Variants in PCDHGB3 observed in about 807,000 individuals in gnomAD.
PCDHGB3 encodes protocadherin gamma subfamily B, 3, also known as protocadherin gamma-B3.
Under a neutral mutation model 59.2 loss-of-function variants are expected in PCDHGB3, and 40 were observed. That is an observed-to-expected ratio of 0.68 (90% CI 0.52 to 0.88). PCDHGB3 has a LOEUF of 0.88. Ranked by LOEUF, PCDHGB3 falls within the 40% of genes least tolerant of loss-of-function variation. PCDHGB3 has a pLI of 0.00. For synonymous variants in PCDHGB3, 581 were observed against 503.6 expected (o/e 1.15, Z -2.06); for missense variants, 1,309 against 1,187.9 (o/e 1.10, Z -1.50).
chr5:141,383,020 A>T (rs1778718840), intron 1 of PCDHGB3: 1 of 1,613,730 alleles, frequency 6.2e-7, no homozygotes, highest in African/African-American at 1.3e-5. Context: ...GGAGACGGAC[A>T]AAGGGTCCTT....
rs781229038 is a variant in PCDHGB3, at chr5:141,489,990, A to C, written c.2416-4817A>C. 1.2e-4 allele frequency: 194 copies of C among 1,614,138 alleles called. No individual in the cohort carries two copies. Among genetic ancestry groups the C allele is most frequent in the Non-Finnish European group, 1.6e-4 (188 of 1,180,038 alleles). Reference sequence around the variant, plus strand: ...TCCAATCCTCAGTTCTACGTGTGGGAATCCCAGAGAATGCACCCATTGGTA... The same window carrying C: ...TCCAATCCTCAGTTCTACGTGTGGGCATCCCAGAGAATGCACCCATTGGTA... On this transcript the variant is annotated intron_variant, in intron 1 of 3. Transcript: ENST00000576222. The surrounding 1 kb of genome is among the most constrained non-coding windows in gnomAD (Gnocchi z 4.5).
intron 1 of PCDHGB3, chr5:141,392,892 G>A (rs2092623669): frequency 6.2e-7 from 1 of 1,613,702 alleles, no homozygotes; most frequent in Non-Finnish European, 8.5e-7. Context: ...GTGGGAAATC[G>A]GGAGGGGACA....
chr5:141,511,450 C>A lies in PCDHGB3; in HGVS notation c.*277C>A. Reference sequence around the variant, plus strand: ...TGGGGTTACTGTAGACACCAAGAACCATTTGCCACACCCCGTTTAGTTACA... The same window carrying A: ...TGGGGTTACTGTAGACACCAAGAACAATTTGCCACACCCCGTTTAGTTACA... On this transcript the variant is annotated 3_prime_UTR_variant, in exon 4 of 4. Transcript: ENST00000576222. The A allele has an allele frequency of 3.3e-6, 2 of 615,088 alleles. No homozygotes were observed. The highest frequency in any genetic ancestry group is 6.8e-5 in the East Asian group (2 of 29,272). The allele number at this position is 615,088 out of a possible 1,614,324, so 38.1% of individuals were successfully genotyped here.
At position 141,371,219 on chromosome 5, in the gene PCDHGB3, C is replaced by G; in HGVS notation, c.825C>G (p.Ala275=). 6.2e-7 allele frequency: 1 copy of G among 1,613,954 alleles called. No individual in the cohort carries two copies. The change falls in exon 1 of 4, where the codon GCC becomes GCG. Residue 275 remains alanine (A), a synonymous_variant. Coordinates refer to ENST00000576222, the MANE Select transcript of PCDHGB3 (RefSeq NM_018924.5). ...TTGACATGGATGAGGGCATCAATGCCGAAATCATCTATGCCTTCATCAATA... is the reference window on the plus strand; with the variant it reads ...TTGACATGGATGAGGGCATCAATGCGGAAATCATCTATGCCTTCATCAATA... ...MAIDMDEGIN[A]EIIYAFINIG...
In PCDHGB3 at chr5:141,490,507, G is replaced by C; in HGVS notation, c.2416-4300G>C. 1 of 1,614,016 alleles carries C rather than the reference G, an allele frequency of 6.2e-7. No individual in the cohort carries two copies. Among genetic ancestry groups the C allele is most frequent in the Non-Finnish European group, 8.5e-7 (1 of 1,180,002 alleles). On this transcript the variant is annotated intron_variant, in intron 1 of 3. Transcript: ENST00000576222. The surrounding 1 kb of genome is among the most constrained non-coding windows in gnomAD (Gnocchi z 5.4). ...GGAGGCCACATCCCACTATATCATCGAGCTGCTGGCCAGCGATGCTGGTTC... is the reference window on the plus strand; with the variant it reads ...GGAGGCCACATCCCACTATATCATCCAGCTGCTGGCCAGCGATGCTGGTTC...
intron 1 of PCDHGB3, among the ~76,000 whole-genome samples, chr5:141,482,354 G>C (rs1461472845): frequency 6.6e-6 from 1 of 152,096 alleles, no homozygotes; most frequent in Non-Finnish European, 1.5e-5. Context: ...CTTGTTGTGA[G>C]AGTGAAAAGT....
chr5:141,375,160 T>G (rs373409677), intron 1 of PCDHGB3: 1 of 1,613,854 alleles, frequency 6.2e-7, no homozygotes, highest in African/African-American at 1.3e-5. Flanking sequence ...TTGCTGAAAG[T>G]GCACCTCCAG....
At chr5:141,423,362 T>G (rs1419859253) in intron 1 of PCDHGB3, 1 of 1,614,112 alleles carries the variant, frequency 6.2e-7, no homozygotes, top group African/African-American at 1.3e-5. Flanking sequence ...GTCATCGTGC[T>G]GCTGGCACTC....
chr5:141,418,987 A>AG (rs781016682), intron 1 of PCDHGB3: 1 of 1,613,974 alleles, frequency 6.2e-7, no homozygotes, highest in South Asian at 1.1e-5. Context: ...ACCAAGACTC[A>AG]GGGGAAAATG....
chr5:141,502,518 T>C (rs1388007900), intron 2 of PCDHGB3, among the ~76,000 whole-genome samples: 1 of 152,184 alleles, frequency 6.6e-6, no homozygotes, highest in Non-Finnish European at 1.5e-5. Flanking sequence ...CCACTATCAG[T>C]GATGCCGAGT....
Position 141,495,110 on chromosome 5 carries a change from T to C in PCDHGB3, c.2474+245T>C, listed in dbSNP as rs74534116. Among the ~76,000 whole-genome samples the C allele has an allele frequency of 3.9e-3, 595 of 152,212 alleles. 3 individuals carry two copies. The highest frequency in any genetic ancestry group is 0.013 in the African/African-American group (538 of 41,532). On this transcript the variant is annotated intron_variant, in intron 2 of 3. Coordinates refer to ENST00000576222, the MANE Select transcript of PCDHGB3 (RefSeq NM_018924.5). The stretch of plus-strand genomic sequence containing the variant: ...TTCCCTCCTCGCCACGACCGGCACC[T>C]TTTCCTATCCCCTGAGGGCACTGTG...
intron 1 of PCDHGB3, chr5:141,399,518 G>C (rs2093824828): frequency 6.2e-7 from 1 of 1,613,994 alleles, no homozygotes. Flanking sequence ...AACCCTCCTG[G>C]GGCCTCCATC....
intron 1 of PCDHGB3, among the ~76,000 whole-genome samples, chr5:141,380,592 C>A (rs1776595781): frequency 6.6e-6 from 1 of 152,050 alleles, no homozygotes; most frequent in South Asian, 2.1e-4. Flanking sequence ...TAGTAAAGAT[C>A]TTTAATATTT....
rs1427881816 is a variant in PCDHGB3 at position 141,486,740 on chromosome 5, T to C, written c.2416-8067T>C. ...AGGAGCTGTTCATGCTACTCGATCC[T>C]TTGACTATGAGCAAACCCAGACACT... On this transcript the variant is annotated intron_variant, in intron 1 of 3. Coordinates refer to ENST00000576222, the MANE Select transcript of PCDHGB3 (RefSeq NM_018924.5). The surrounding 1 kb of genome is among the most constrained non-coding windows in gnomAD (Gnocchi z 5.0). 6.2e-7 allele frequency: 1 copy of C among 1,614,234 alleles called. No homozygotes were observed. Among genetic ancestry groups the C allele is most frequent in the Admixed American group, 1.7e-5 (1 of 60,026 alleles).
intron 1 of PCDHGB3, among the ~76,000 whole-genome samples, chr5:141,471,014 G>A (rs2099246573): frequency 6.7e-6 from 1 of 148,628 alleles, no homozygotes; most frequent in Non-Finnish European, 1.5e-5. Context: ...ACTGTGCCTG[G>A]TCAATCATTT....
rs1048081343 is a variant in PCDHGB3 at position 141,432,618 on chromosome 5, G to C, written c.2415+59809G>C. 6.2e-7 allele frequency: 1 copy of C among 1,612,806 alleles called. No individual in the cohort carries two copies. Among genetic ancestry groups the C allele is most frequent in the South Asian group, 1.1e-5 (1 of 90,950 alleles). ...AGCGAGCCGGGACTCTTCTCGGTGG[G>C]TCTGCACACGGGCGAGGTGCGCACG... On this transcript the variant is annotated intron_variant, in intron 1 of 3. Transcript: ENST00000576222. The surrounding 1 kb of genome is among the most constrained non-coding windows in gnomAD (Gnocchi z 6.0).
In PCDHGB3 at chr5:141,393,995, A is replaced by C. The variant is rs201832611; in HGVS notation, c.2415+21186A>C. On this transcript the variant is annotated intron_variant, in intron 1 of 3. Coordinates refer to ENST00000576222, the MANE Select transcript of PCDHGB3 (RefSeq NM_018924.5). ...CACGTGATAATTTACCTTTTAAATT[A>C]GAAAAGTCAATAGGTAATTATTATA... is the stretch of plus-strand genomic sequence containing the variant. The C allele has an allele frequency of 8.1e-6, 13 of 1,613,430 alleles. No homozygotes were observed. Among genetic ancestry groups the C allele is most frequent in the Non-Finnish European group, 1.1e-5 (13 of 1,179,634 alleles).
In PCDHGB3 at chr5:141,372,773, T is replaced by G. The variant is rs1220480316; in HGVS notation, c.2379T>G (p.Asn793Lys). ...CCTCTTGGTTTGAAAGTAATGACAA[T>G]CCAGAAATGCCTTCTAATTCAGGCA... Reference protein sequence around the residue: ...DEASWFESNDNPEMPSNSGNL... With the variant: ...DEASWFESNDKPEMPSNSGNL... Residue 793 changes from asparagine (N) to lysine (K), a missense_variant, in exon 1 of 4, where the codon AAT becomes AAG. Asn to Lys is a moderately conservative substitution (Grantham distance 94). Transcript: ENST00000576222. 6.2e-7 allele frequency: 1 copy of G among 1,610,720 alleles called. No individual in the cohort carries two copies. Among genetic ancestry groups the G allele is most frequent in the Non-Finnish European group, 8.5e-7 (1 of 1,178,110 alleles).
chr5:141,507,619 G>T (rs1237918589), intron 3 of PCDHGB3, among the ~76,000 whole-genome samples: 22 of 152,256 alleles, frequency 1.4e-4, no homozygotes, highest in Admixed American at 1.4e-3. Context: ...ATATTTAGCT[G>T]TTGTGGCCTT....
Sources: allele counts gnomAD v4.1 joint callset (sites outside exome capture counted in the v4.1 genomes callset), GRCh38; gene constraint gnomAD v4.1.1; non-coding constraint Gnocchi (gnomAD v3.1); transcripts MANE v1.5; gene names NCBI Gene and HGNC (gene_info 2026-07-23, HGNC 2026-07-21).